Variants in PCDHGB4 observed in about 807,000 individuals in gnomAD.
PCDHGB4 encodes protocadherin gamma subfamily B, 4.
A neutral mutation model predicts 60.5 loss-of-function variants in PCDHGB4; 38 were observed. The observed-to-expected ratio is 0.63, with a 90% CI of 0.48 to 0.82. The LOEUF is 0.82. Among genes scored for constraint, PCDHGB4 ranks in the 40% least tolerant of loss-of-function variants. The pLI, the probability that PCDHGB4 is intolerant of heterozygous loss-of-function variation, is 0.00. For synonymous variants in PCDHGB4, 456 were observed against 509.7 expected (o/e 0.89, Z 1.42); for missense variants, 1,109 against 1,209.6 (o/e 0.92, Z 1.23).
intron 1 of PCDHGB4, chr5:141,393,190 T>C: frequency 6.2e-7 from 1 of 1,613,384 alleles, no homozygotes; most frequent in Non-Finnish European, 8.5e-7. Flanking sequence ...ATAATTGATA[T>C]TAACGATAAT....
chr5:141,500,144 C>T (rs2099796717), intron 2 of PCDHGB4, among the ~76,000 whole-genome samples: 1 of 151,426 alleles, frequency 6.6e-6, no homozygotes, highest in South Asian at 2.1e-4. Context: ...CTAAACTTTT[C>T]TTTGTGTAAT....
chr5:141,499,634 C>A (rs1194596079), intron 2 of PCDHGB4, among the ~76,000 whole-genome samples: 1 of 151,220 alleles, frequency 6.6e-6, no homozygotes, highest in Non-Finnish European at 1.5e-5. Flanking sequence ...TCTTTTGAAG[C>A]AAATCTCAGA....
At chr5:141,410,413 T>C (rs1229133377) in intron 1 of PCDHGB4, 10 of 1,613,938 alleles carry the variant, frequency 6.2e-6, no homozygotes, top group Non-Finnish European at 8.5e-6. Context: ...AGTCTGGACC[T>C]GTAGTTCCCC....
intron 3 of PCDHGB4, among the ~76,000 whole-genome samples, chr5:141,509,693 G>A (rs72790076): frequency 0.024 from 3,613 of 152,246 alleles, 55 homozygotes; most frequent in East Asian, 0.046. Flanking sequence ...ACAGTGGGAC[G>A]TTGGACTGGA....
At chr5:141,444,152 A>ATTTTTTTTTTTT (rs747671382) in intron 1 of PCDHGB4, among the ~76,000 whole-genome samples, 4 of 33,898 alleles carry the variant, frequency 1.2e-4, no homozygotes, top group Admixed American at 3.9e-4. Flanking sequence ...TGTGTACTGG[A>ATTTTTTTTTTTT]TTTTTTTTTT....
intron 1 of PCDHGB4, among the ~76,000 whole-genome samples, chr5:141,436,122 C>T (rs909678739): frequency 4.6e-5 from 7 of 152,128 alleles, no homozygotes; most frequent in African/African-American, 7.2e-5. Flanking sequence ...AACCTCTCTC[C>T]TCCATCATCT....
chr5:141,405,106 C>T, intron 1 of PCDHGB4: 1 of 1,613,964 alleles, frequency 6.2e-7, no homozygotes, highest in South Asian at 1.1e-5. Context: ...GGCTGAGGCA[C>T]TGGCACTCCT....
At chr5:141,474,892 A>G (rs1419975508) in intron 1 of PCDHGB4, among the ~76,000 whole-genome samples, 1 of 152,208 alleles carries the variant, frequency 6.6e-6, no homozygotes, top group Non-Finnish European at 1.5e-5. Context: ...TTAGAGGTTC[A>G]TTTCTTGTTC....
chr5:141,395,162 G>C, intron 1 of PCDHGB4: 1 of 1,614,148 alleles, frequency 6.2e-7, no homozygotes, highest in Non-Finnish European at 8.5e-7. Flanking sequence ...TCAGTCAGGA[G>C]GGCTGTGAGA....
At chr5:141,430,327 T>C (rs1250968800) in intron 1 of PCDHGB4, among the ~76,000 whole-genome samples, 7 of 152,042 alleles carry the variant, frequency 4.6e-5, no homozygotes, top group Non-Finnish European at 1.5e-5. Context: ...AAAATCATTG[T>C]TTATAGAAAC....
chr5:141,444,035 T>C (rs928920813), intron 1 of PCDHGB4, among the ~76,000 whole-genome samples: 1 of 151,694 alleles, frequency 6.6e-6, no homozygotes, highest in Non-Finnish European at 1.5e-5. Context: ...ATTCAGTAAA[T>C]CAGATAATTT....
At position 141,450,045 on chromosome 5, in the gene PCDHGB4, C is replaced by T. The variant is rs369046547; in HGVS notation, c.2398-44762C>T. On this transcript the variant is annotated intron_variant, in intron 1 of 3. Transcript: ENST00000519479. Reference sequence around the variant, plus strand: ...TTTTTGAGACAGGGTCTCACTCTTTCGCCCAGGCTGGAATGCAGTGGTATG... The same window carrying T: ...TTTTTGAGACAGGGTCTCACTCTTTTGCCCAGGCTGGAATGCAGTGGTATG... 4.6e-5 allele frequency among the ~76,000 whole-genome samples: 6 copies of T among 129,508 alleles called. No individual in the cohort carries two copies. In the South Asian group the frequency reaches 9.6e-4, roughly 21 times the overall value. 85.0% of individuals were successfully genotyped at this position (129,508 alleles called of 152,430 possible).
rs553126235 is a variant in PCDHGB4 at position 141,473,346 on chromosome 5, G to A, written c.2398-21461G>A. Reference sequence around the variant, plus strand: ...AAGTGCCTGCTGTGCTAGACAGTGAGGATGCAAGTGGCCACCAAAATAGCA... The same window carrying A: ...AAGTGCCTGCTGTGCTAGACAGTGAAGATGCAAGTGGCCACCAAAATAGCA... On this transcript the variant is annotated intron_variant, in intron 1 of 3. Transcript: ENST00000519479. Among the ~76,000 whole-genome samples, 9 of 152,310 alleles carry A rather than the reference G, an allele frequency of 5.9e-5. No individual in the cohort carries two copies. The East Asian group carries it at 1.5e-3, about 26-fold the overall frequency.
At chr5:141,500,914 G>T (rs1237339394) in intron 2 of PCDHGB4, among the ~76,000 whole-genome samples, 2 of 151,130 alleles carry the variant, frequency 1.3e-5, no homozygotes, top group Non-Finnish European at 2.9e-5. Flanking sequence ...CTGTCTCCAG[G>T]CTGGGGTGCA....
chr5:141,399,955 C>G, intron 1 of PCDHGB4: 1 of 1,612,146 alleles, frequency 6.2e-7, no homozygotes. Flanking sequence ...GGCTAGCGAG[C>G]CCGGGCTCTT....
intron 1 of PCDHGB4, among the ~76,000 whole-genome samples, chr5:141,445,652 A>C (rs1307606419): frequency 6.6e-6 from 1 of 152,212 alleles, no homozygotes; most frequent in African/African-American, 2.4e-5. Context: ...TGAATAGATT[A>C]ATAGGATGAG....
rs895234762 is a variant in PCDHGB4 at position 141,476,911 on chromosome 5, A to G, written c.2398-17896A>G. 4 of 1,613,972 alleles carry G rather than the reference A, an allele frequency of 2.5e-6. No individual in the cohort carries two copies. The African/African-American group carries it at 4.0e-5, about 16-fold the overall frequency. On this transcript the variant is annotated intron_variant, in intron 1 of 3. Transcript: ENST00000519479. This position sits in a 1 kb window ranked among gnomAD's most constrained non-coding sequence, Gnocchi z 7.6. ...CACCCTCCGGCACGCGCGTGGTACA[A>G]GTCCTTGCAACGGATCTGGATGAAG...
chr5:141,464,343 A>C (rs944042669), intron 1 of PCDHGB4, among the ~76,000 whole-genome samples: 7 of 151,212 alleles, frequency 4.6e-5, no homozygotes, highest in African/African-American at 1.5e-4. Context: ...ATGACTTGTC[A>C]TTTAGGTAGT....
Position 141,422,492 on chromosome 5 carries a change from C to T in PCDHGB4, c.2397+32211C>T, listed in dbSNP as rs747903569. 2.5e-6 allele frequency: 4 copies of T among 1,613,934 alleles called. No homozygotes were observed. The East Asian group carries it at 6.7e-5, about 27-fold the overall frequency. ...GAGTTGGTCCAGAGCTACAATATAA[C>T]GTTGACAGCCACAGACCAGGGAAGC... On this transcript the variant is annotated intron_variant, in intron 1 of 3. Coordinates refer to ENST00000519479, the MANE Select transcript of PCDHGB4 (RefSeq NM_003736.4).
Sources: gnomAD v4.1 joint callset for allele counts (sites outside exome capture counted in the v4.1 genomes callset) on GRCh38, gnomAD v4.1.1 for gene constraint, Gnocchi (gnomAD v3.1) non-coding constraint, MANE v1.5 for transcripts, NCBI Gene and HGNC (gene_info 2026-07-23, HGNC 2026-07-21) for gene names.